ITGB8: variants seen among roughly 807,000 people sequenced by gnomAD.
The protein encoded by ITGB8 is integrin subunit beta 8.
A neutral mutation model predicts 89.5 loss-of-function variants in ITGB8; 30 were observed. The ratio of observed to expected loss-of-function variants is 0.34; its 90% confidence interval spans 0.25 to 0.45. The LOEUF (loss-of-function observed/expected upper bound fraction) is 0.45, where lower values mean the gene tolerates loss of function less well. Ranked by LOEUF, ITGB8 falls within the 20% of genes least tolerant of loss-of-function variation. The pLI is 1.00. For synonymous variants in ITGB8, 335 were observed against 320.4 expected, an observed-to-expected ratio of 1.05 and a Z score of -0.49; for missense variants, 836 against 933.3, an observed-to-expected ratio of 0.90 and a Z score of 1.36.
At chr7:20,340,949 G>C (rs1784737232) in intron 1 of ITGB8, among the ~76,000 whole-genome samples, 3 of 152,222 alleles carry the variant, frequency 2.0e-5, no homozygotes, top group African/African-American at 7.2e-5. Context: ...CTAATTGCCT[G>C]CTGGAGAGGT....
intron 7 of ITGB8, among the ~76,000 whole-genome samples, chr7:20,391,876 T>C (rs951614843): frequency 1.7e-4 from 26 of 152,210 alleles, no homozygotes; most frequent in African/African-American, 6.3e-4. Context: ...CATGAGCATA[T>C]CCTCATAATA....
rs1417617323 is a variant in ITGB8 at position 20,374,730 on chromosome 7, G to A, written c.389-4321G>A. Among the ~76,000 whole-genome samples the A allele has an allele frequency of 1.3e-5, 2 of 152,180 alleles. 1 individual carries two copies. The highest frequency in any genetic ancestry group is 1.3e-4 in the Admixed American group (2 of 15,286). ...GCACAGGAGTATGCATTTGTAGGCTGTATATGGGGAAGTAAAGCAGATTTG... is the reference window on the plus strand; with the variant it reads ...GCACAGGAGTATGCATTTGTAGGCTATATATGGGGAAGTAAAGCAGATTTG... On this transcript the variant is annotated intron_variant, in intron 3 of 13. Transcript: ENST00000222573.
intron 7 of ITGB8, 126 bp from the exon 8 acceptor site, chr7:20,394,770 T>G: frequency 1.5e-6 from 1 of 674,464 alleles, no homozygotes; most frequent in Non-Finnish European, 2.6e-6. Context: ...TTCTTGTGTC[T>G]TATAGGTTTT....
chr7:20,366,949 C>T, intron 2 of ITGB8, 63 bp from the exon 3 acceptor site: 1 of 1,126,408 alleles, frequency 8.9e-7, no homozygotes, highest in Non-Finnish European at 1.3e-6. Flanking sequence ...TTTGCTATGT[C>T]ATTTTCTTTG....
intron 12 of ITGB8, among the ~76,000 whole-genome samples, chr7:20,407,094 G>A (rs193010155): frequency 5.9e-5 from 9 of 152,222 alleles, no homozygotes; most frequent in African/African-American, 1.7e-4. Context: ...TTACTGAAAT[G>A]AGTTTACATG....
chr7:20,386,525 TG>T (rs1403715535), intron 6 of ITGB8, among the ~76,000 whole-genome samples: 1 of 150,974 alleles, frequency 6.6e-6, no homozygotes, highest in Admixed American at 6.6e-5. Context: ...CCCAAAGTGC[TG>T]GGATTACAGG....
At position 20,381,731 on chromosome 7, in the gene ITGB8, A is replaced by G. The variant is rs558349898; in HGVS notation, c.806A>G (p.His269Arg). The G allele has an allele frequency of 5.6e-6, 9 of 1,606,432 alleles. No homozygotes were observed. In the African/African-American group the frequency reaches 1.1e-4, roughly 19 times the overall value. Residue 269 changes from histidine (H) to arginine (R), a missense_variant, in exon 6 of 14, where the codon CAT becomes CGT. By Grantham distance (29) the His-to-Arg change is conservative. Around this residue, in one of 5 missense-constraint regions of ITGB8, gnomAD observed 192 missense variants for 267.1 expected, o/e 0.72. Transcript: ENST00000222573. ...AMLQAAVCES[H>R]IGWRKEAKRL... ...AATTACATGTTTATTTTTAAGAGTC[A>G]TATCGGATGGCGAAAAGAGGCTAAA...
chr7:20,389,843 T>G (rs1562691007), intron 6 of ITGB8, among the ~76,000 whole-genome samples: 1 of 151,652 alleles, frequency 6.6e-6, no homozygotes. Flanking sequence ...TTGGAGTTTT[T>G]TTTTTTCCAT....
intron 1 of ITGB8, among the ~76,000 whole-genome samples, chr7:20,354,270 G>A (rs1213912565): frequency 6.6e-6 from 1 of 152,158 alleles, no homozygotes; most frequent in Non-Finnish European, 1.5e-5. Flanking sequence ...TGGTAGTCTA[G>A]TATTCTTACT....
intron 12 of ITGB8, among the ~76,000 whole-genome samples, chr7:20,408,375 C>T (rs1213999927): frequency 1.7e-5 from 2 of 120,716 alleles, no homozygotes; most frequent in Non-Finnish European, 3.4e-5. Context: ...AGTACCTTAT[C>T]ACAAAAAAAA....
intron 9 of ITGB8, among the ~76,000 whole-genome samples, chr7:20,399,457 A>G (rs1038553218): frequency 6.6e-6 from 1 of 152,152 alleles, no homozygotes; most frequent in Admixed American, 6.5e-5. Context: ...GAATTTCAAA[A>G]TCTTTCACTT....
intron 2 of ITGB8, chr7:20,365,562 G>A (rs902737513): frequency 6.6e-6 from 1 of 152,180 alleles, no homozygotes; most frequent in Non-Finnish European, 1.5e-5. Context: ...GGGAAGCACT[G>A]GGCACAGAGG....
In ITGB8 at chr7:20,406,108, C is replaced by T. The variant is rs1787531039; in HGVS notation, c.1960C>T (p.Leu654Phe). Residue 654 changes from leucine to phenylalanine, a missense_variant, in exon 12 of 14, where the codon CTT (leucine) becomes TTT (phenylalanine). Around this residue, in one of 5 missense-constraint regions of ITGB8, gnomAD observed 422 missense variants for 416.9 expected, o/e 1.01. Coordinates refer to ENST00000222573, the MANE Select transcript of ITGB8 (RefSeq NM_002214.3). The stretch of plus-strand genomic sequence containing the variant: ...CCCTCACAATTTGTCTCAGGCTATA[C>T]TTGATCAGTGCAAAACCTCATGTGC... ...LHPHNLSQAI[L>F]DQCKTSCALM... The T allele has an allele frequency of 6.2e-7, 1 of 1,613,472 alleles. No individual in the cohort carries two copies. Among genetic ancestry groups the T allele is most frequent in the African/African-American group, 1.3e-5 (1 of 74,884 alleles).
At chr7:20,405,742 T>G (rs1018102579) in intron 11 of ITGB8, among the ~76,000 whole-genome samples, 2 of 151,958 alleles carry the variant, frequency 1.3e-5, no homozygotes, top group Non-Finnish European at 2.9e-5. Flanking sequence ...CCAATAAATT[T>G]TTCAGTAACA....
chr7:20,361,371 C>G (rs761731022), intron 1 of ITGB8, among the ~76,000 whole-genome samples: 9 of 152,196 alleles, frequency 5.9e-5, no homozygotes, highest in Non-Finnish European at 1.3e-4. Context: ...ATATCTGTGA[C>G]TGGGTAATTT....
In ITGB8 at chr7:20,370,136, T is replaced by G. The variant is rs537629912; in HGVS notation, c.388+2950T>G. The stretch of plus-strand genomic sequence containing the variant: ...AATAGGAAAAAAAGAATAAAATGGA[T>G]GTATAAATCCAGAGAACCAGAGAGC... On this transcript the variant is annotated intron_variant, in intron 3 of 13. Transcript: ENST00000222573. Among the ~76,000 whole-genome samples, 255 of 151,650 alleles carry G rather than the reference T, an allele frequency of 1.7e-3. 2 individuals are homozygous for G. The highest frequency in any genetic ancestry group is 5.9e-3 in the African/African-American group (245 of 41,432).
intron 3 of ITGB8, among the ~76,000 whole-genome samples, chr7:20,375,030 T>C (rs1016727673): frequency 4.6e-5 from 7 of 152,164 alleles, no homozygotes; most frequent in African/African-American, 1.7e-4. Context: ...TCTGGCATGC[T>C]AGAGTTCAAT....
At chr7:20,348,266 G>C (rs568278910) in intron 1 of ITGB8, among the ~76,000 whole-genome samples, 1 of 152,330 alleles carries the variant, frequency 6.6e-6, no homozygotes, top group South Asian at 2.1e-4. Context: ...CTAGGAACTA[G>C]ATGAGGTGAG....
At chr7:20,330,821 C>G (rs1784353083), upstream of ITGB8, 1 of 152,318 alleles carries the variant, frequency 6.6e-6, no homozygotes, top group South Asian at 2.1e-4. Flanking sequence ...CTGGAGCCCC[C>G]CGGGGGGCCA....
Sources: gnomAD v4.1 joint callset for allele counts (sites outside exome capture counted in the v4.1 genomes callset) on GRCh38, gnomAD v4.1.1 for gene constraint, gnomAD v4.1.1 regional missense constraint, MANE v1.5 for transcripts, NCBI Gene and HGNC (gene_info 2026-07-23, HGNC 2026-07-21) for gene names.